SOD2: variants seen among roughly 807,000 people sequenced by gnomAD.
SOD2 encodes the protein superoxide dismutase 2, also known as superoxide dismutase [Mn], mitochondrial.
Under a neutral mutation model 27.0 loss-of-function variants are expected in SOD2, and 11 were observed. The observed-to-expected ratio is 0.41, with a 90% CI of 0.26 to 0.67. The LOEUF (loss-of-function observed/expected upper bound fraction) is 0.67, where lower values mean the gene tolerates loss of function less well. Ranked by LOEUF, SOD2 falls within the 30% of genes least tolerant of loss-of-function variation. The pLI is 0.34. For synonymous variants in SOD2, 105 were observed against 103.0 expected (o/e 1.02, Z -0.12); for missense variants, 250 against 274.5 (o/e 0.91, Z 0.63).
At chr6:159,733,061 G>T (rs1462059806) in intron 1 of SOD2, among the ~76,000 whole-genome samples, 2 of 152,040 alleles carry the variant, frequency 1.3e-5, no homozygotes, top group African/African-American at 4.8e-5. Flanking sequence ...TATGGTGATG[G>T]TTTCTGAGAT....
intron 1 of SOD2, among the ~76,000 whole-genome samples, chr6:159,738,640 T>A (rs1327706046): frequency 2.2e-4 from 33 of 152,186 alleles, no homozygotes; most frequent in Admixed American, 2.2e-3. Context: ...CTGCCATACT[T>A]CTTCAGATAC....
At chr6:159,752,918 G>A (rs1012243108) in intron 1 of SOD2, among the ~76,000 whole-genome samples, 2 of 152,164 alleles carry the variant, frequency 1.3e-5, no homozygotes, top group African/African-American at 4.8e-5. Context: ...AAAATTTTTT[G>A]TAGAGTTGGA....
chr6:159,679,869 TG>T lies in SOD2; in HGVS notation c.*2623del, dbSNP rs113671218. 8,330 of 152,306 alleles carry T rather than the reference TG, an allele frequency of 0.055. 263 individuals are homozygous for T. The highest frequency in any genetic ancestry group is 0.11 in the Middle Eastern group (32 of 294). The allele number at this position is 152,306 out of a possible 1,614,324, so 9.4% of individuals were successfully genotyped here. A position where few individuals can be genotyped will look rare whatever the true frequency, so the allele number is the denominator to read the frequency against. On this transcript the variant is annotated 3_prime_UTR_variant, in exon 5 of 5. Transcript: ENST00000538183. ...TGGTCTTGAACTCCTTCAAGTGTTC[TG>T]CCTGCCTTGGCCTCCCAAAGTGCTG...
intron 1 of SOD2, among the ~76,000 whole-genome samples, chr6:159,732,886 A>ATAGTGTGTGTGTGTGTGT (rs146623701): frequency 2.3e-4 from 33 of 146,486 alleles, no homozygotes; most frequent in African/African-American, 8.1e-4. Context: ...ATATATATAT[A>ATAGTGTGTGTGTGTGTGT]GTGTGTGTGT....
intron 1 of SOD2, among the ~76,000 whole-genome samples, chr6:159,715,729 G>A (rs1437691894): frequency 6.6e-6 from 1 of 151,912 alleles, no homozygotes; most frequent in Non-Finnish European, 1.5e-5. Flanking sequence ...GTGAGACTCC[G>A]TCTCCATAAA....
intron 1 of SOD2, among the ~76,000 whole-genome samples, chr6:159,757,341 A>T (rs1404762935): frequency 6.6e-6 from 1 of 152,116 alleles, no homozygotes; most frequent in Non-Finnish European, 1.5e-5. Context: ...TTTAGCTGAT[A>T]CAGGTATATC....
At chr6:159,706,838 C>A (rs1296046077) in intron 1 of SOD2, among the ~76,000 whole-genome samples, 6 of 152,274 alleles carry the variant, frequency 3.9e-5, no homozygotes, top group South Asian at 2.1e-4. Context: ...CCACATCGCA[C>A]CTATTCCAAA....
At position 159,678,189 on chromosome 6, in the gene SOD2, C is replaced by T. The variant is rs922568483; in HGVS notation, c.*4304G>A. 2.0e-5 allele frequency: 3 copies of T among 152,256 alleles called. No individual in the cohort carries two copies. Among genetic ancestry groups the T allele is most frequent in the African/African-American group, 7.2e-5 (3 of 41,432 alleles). 9.4% of individuals were successfully genotyped at this position (152,256 alleles called of 1,614,324 possible). A position where few individuals can be genotyped will look rare whatever the true frequency, so the allele number is the denominator to read the frequency against. Reference sequence around the variant, plus strand: ...CCATACCCCTTCCCACATGCCTTGCCCTGTGCATCTCTTCCATCTGGCTGT... The same window carrying T: ...CCATACCCCTTCCCACATGCCTTGCTCTGTGCATCTCTTCCATCTGGCTGT... On this transcript the variant is annotated 3_prime_UTR_variant, in exon 5 of 5. Transcript: ENST00000538183.
chr6:159,693,301 G>C, upstream of SOD2: 3 of 615,844 alleles, frequency 4.9e-6, no homozygotes, highest in Non-Finnish European at 7.4e-6. Flanking sequence ...CGCGACCCCA[G>C]CTGCGCCGCA....
chr6:159,745,304 T>C (rs1583095824), upstream of SOD2: 1 of 152,230 alleles, frequency 6.6e-6, no homozygotes, highest in African/African-American at 2.4e-5. Context: ...TGATTCTCCA[T>C]CTGTCCTATA....
At chr6:159,724,746 G>A (rs774268414) in intron 1 of SOD2, among the ~76,000 whole-genome samples, 1 of 152,046 alleles carries the variant, frequency 6.6e-6, no homozygotes, top group Non-Finnish European at 1.5e-5. Context: ...CAGCTACTCG[G>A]GAGGCTGAGA....
rs954000941 is a variant in SOD2 at position 159,675,621 on chromosome 6, G to A, written c.*6872C>T. ...TTCAAGATGGATTAAAGACTTAAAT[G>A]TTAGACCTAAAACCATAAAAACCCT... On this transcript the variant is annotated 3_prime_UTR_variant, in exon 5 of 5. Transcript: ENST00000538183. The A allele has an allele frequency of 3.9e-5, 6 of 152,156 alleles. No individual in the cohort carries two copies. Among genetic ancestry groups the A allele is most frequent in the African/African-American group, 1.4e-4 (6 of 41,426 alleles). The allele number at this position is 152,156 out of a possible 1,614,324, so 9.4% of individuals were successfully genotyped here.
At chr6:159,733,811 G>A (rs1282766707) in intron 1 of SOD2, among the ~76,000 whole-genome samples, 3 of 152,166 alleles carry the variant, frequency 2.0e-5, no homozygotes, top group Non-Finnish European at 4.4e-5. Context: ...AGCTACTTGG[G>A]AGGCTGAGGC....
intron 1 of SOD2, among the ~76,000 whole-genome samples, chr6:159,702,723 C>T (rs910946779): frequency 1.4e-5 from 2 of 145,510 alleles, no homozygotes; most frequent in South Asian, 2.2e-4. Context: ...TGGTGGTGTG[C>T]GCCTGTAGTC....
In SOD2 at chr6:159,710,426, C is replaced by T. The variant is rs375897951; in HGVS notation, c.-116+16703G>A. On this transcript the variant is annotated intron_variant, in intron 1 of 2. Transcript: ENST00000401980. The stretch of plus-strand genomic sequence containing the variant: ...ATCGTGCCACTGCACTCCAACCTGG[C>T]GACAGAGTTAGACTCTGTCTCAAAA... Among the ~76,000 whole-genome samples, 42 of 151,764 alleles carry T rather than the reference C, an allele frequency of 2.8e-4. No homozygotes were observed. The East Asian group carries it at 6.4e-3, about 23-fold the overall frequency.
rs1287872434 is a variant in SOD2 at position 159,693,157 on chromosome 6, C to CG, written c.10dup (p.Arg4ProfsTer96). ...CCTTTCTTCTCACCCGCACACTGCC[C>CG]GGCTCAACATGCTGCTAGTGCTGGT... On this transcript the variant is annotated frameshift_variant, in exon 1 of 5. Coordinates refer to ENST00000538183, the MANE Select transcript of SOD2 (RefSeq NM_000636.4). LOFTEE classifies it high-confidence loss of function. The CG allele has an allele frequency of 1.2e-5, 18 of 1,533,644 alleles. No homozygotes were observed.
upstream of SOD2, among the ~76,000 whole-genome samples, chr6:159,746,149 T>C (rs1779562332): frequency 1.3e-5 from 2 of 152,246 alleles, no homozygotes; most frequent in Non-Finnish European, 2.9e-5. Flanking sequence ...TTCGTTAGAT[T>C]TGGCAGTTAA....
chr6:159,683,432 C>T (rs1780046642), intron 4 of SOD2, among the ~76,000 whole-genome samples: 1 of 152,126 alleles, frequency 6.6e-6, no homozygotes, highest in African/African-American at 2.4e-5. Flanking sequence ...TTGTAGTGAG[C>T]CAAGATTGCG....
exon 1 of SOD2, chr6:159,727,321 A>C: frequency 7.9e-7 from 1 of 1,268,650 alleles, no homozygotes; most frequent in Non-Finnish European, 1.0e-6. Context: ...CACGCCTGAA[A>C]GGCGACTCTC....
Sources: gnomAD v4.1 joint callset for allele counts (sites outside exome capture counted in the v4.1 genomes callset) on GRCh38, gnomAD v4.1.1 for gene constraint, MANE v1.5 for transcripts, NCBI Gene and HGNC (gene_info 2026-07-23, HGNC 2026-07-21) for gene names.